The following MARCHF8 variants were observed in gnomAD, a reference collection of about 807,000 sequenced individuals.
The protein encoded by MARCHF8 is E3 ubiquitin-protein ligase MARCHF8.
Under a neutral mutation model 51.6 loss-of-function variants are expected in MARCHF8, and 40 were observed. That is an observed-to-expected ratio of 0.77 (90% confidence interval 0.60 to 1.01). The LOEUF is 1.01. Ranked by LOEUF, MARCHF8 falls within the 50% of genes least tolerant of loss-of-function variation. The probability of loss-of-function intolerance (pLI) is 0.00; values close to 1 mark genes in which losing one functional copy is unlikely to be tolerated. For synonymous variants in MARCHF8, 263 were observed against 280.3 expected, an observed-to-expected ratio of 0.94 and a Z score of 0.62; for missense variants, 685 against 708.6, an observed-to-expected ratio of 0.97 and a Z score of 0.38.
chr10:45,476,770 C>G (rs761283449), intron 3 of MARCHF8, among the ~76,000 whole-genome samples: 2 of 151,390 alleles, frequency 1.3e-5, no homozygotes, highest in Non-Finnish European at 2.9e-5. Context: ...AATTTCAGAA[C>G]TTGAAGACAG....
At chr10:45,592,628 A>AG (rs2044693890) in intron 1 of MARCHF8, among the ~76,000 whole-genome samples, 1 of 152,226 alleles carries the variant, frequency 6.6e-6, no homozygotes, top group Non-Finnish European at 1.5e-5. Context: ...CTACTACATA[A>AG]GGGAAAAAGA....
In MARCHF8 at chr10:45,463,168, C is replaced by T. The variant is rs756962679; in HGVS notation, c.1071G>A (p.Thr357=). 1.1e-4 allele frequency: 176 copies of T among 1,549,892 alleles called. No homozygotes were observed. Among genetic ancestry groups the T allele is most frequent in the South Asian group, 1.8e-4 (15 of 84,002 alleles). The change falls in exon 5 of 8, where the codon ACG becomes ACA. Residue 357 remains threonine (T), a synonymous_variant. Transcript: ENST00000453424. Reference sequence around the variant, plus strand: ...AAACCAACCTGCAGACATCCCCTGACGTGGACACGGGAGATATGGGGGGTA... The same window carrying T: ...AAACCAACCTGCAGACATCCCCTGATGTGGACACGGGAGATATGGGGGGTA... The part of the protein sequence containing the change: ...EKLPPISPVS[T]SGDVCRICHC...
At chr10:45,530,608 C>T (rs2043862461) in intron 2 of MARCHF8, among the ~76,000 whole-genome samples, 2 of 152,080 alleles carry the variant, frequency 1.3e-5, no homozygotes, top group South Asian at 4.2e-4. Flanking sequence ...AGCAAGACCC[C>T]GACTCTACAA....
chr10:45,554,159 A>G (rs1564514512), intron 1 of MARCHF8, among the ~76,000 whole-genome samples: 1 of 152,250 alleles, frequency 6.6e-6, no homozygotes, highest in Non-Finnish European at 1.5e-5. Context: ...AATTTGGGAA[A>G]GTGCTTTTAA....
chr10:45,558,931 G>A (rs530836337), intron 1 of MARCHF8, among the ~76,000 whole-genome samples: 1 of 152,240 alleles, frequency 6.6e-6, no homozygotes, highest in South Asian at 2.1e-4. Flanking sequence ...TCAGAAAAAA[G>A]AATTTATAAT....
At chr10:45,501,023 ATC>A (rs2133141885) in intron 2 of MARCHF8, among the ~76,000 whole-genome samples, 1 of 152,180 alleles carries the variant, frequency 6.6e-6, no homozygotes, top group South Asian at 2.1e-4. Flanking sequence ...ATCAAAAATG[ATC>A]TCAACATATA....
intron 3 of MARCHF8, among the ~76,000 whole-genome samples, chr10:45,479,460 T>A (rs1026842590): frequency 6.6e-6 from 1 of 152,210 alleles, no homozygotes; most frequent in African/African-American, 2.4e-5. Flanking sequence ...CCCGCTGATA[T>A]GATTTGGCTG....
At chr10:45,549,487 C>T (rs1266983807) in intron 1 of MARCHF8, among the ~76,000 whole-genome samples, 18 of 152,204 alleles carry the variant, frequency 1.2e-4, no homozygotes, top group Admixed American at 7.2e-4. Flanking sequence ...GCAGCAGCAT[C>T]CCAAGACAGT....
At chr10:45,477,995 C>T (rs370603181) in intron 3 of MARCHF8, among the ~76,000 whole-genome samples, 11 of 152,170 alleles carry the variant, frequency 7.2e-5, no homozygotes, top group Admixed American at 3.3e-4. Flanking sequence ...CCACTCCCAT[C>T]GTTAGACAGA....
chr10:45,583,452 G>C (rs2044577877), intron 1 of MARCHF8, among the ~76,000 whole-genome samples: 1 of 152,084 alleles, frequency 6.6e-6, no homozygotes, highest in Non-Finnish European at 1.5e-5. Flanking sequence ...ATACAAATCA[G>C]AGCACACTAA....
chr10:45,594,799 C>A (rs2044722210), exon 1 of MARCHF8: 2 of 152,354 alleles, frequency 1.3e-5, no homozygotes, highest in African/African-American at 2.4e-5. Flanking sequence ...GCGGCGCTAC[C>A]GCCCTGGCCC....
chr10:45,594,055 G>A lies in MARCHF8; in HGVS notation c.-79+180C>T, dbSNP rs577669340. ...ATTTGGGCTTCCAAATAGGTTTTAA[G>A]AAAAAAAGGTTTTGTTGCATTAAAG... On this transcript the variant is annotated intron_variant, in intron 1 of 6. Transcript: ENST00000319836. Among the ~76,000 whole-genome samples the A allele has an allele frequency of 3.3e-4, 50 of 151,882 alleles. No individual in the cohort carries two copies. In the South Asian group the frequency reaches 6.0e-3, roughly 18 times the overall value.
In MARCHF8 at chr10:45,566,391, A is replaced by G. The variant is rs115409784; in HGVS notation, c.-79+27844T>C. Among the ~76,000 whole-genome samples, 1,426 of 152,054 alleles carry G rather than the reference A, an allele frequency of 9.4e-3. 27 individuals carry two copies. The highest frequency in any genetic ancestry group is 0.033 in the African/African-American group (1,361 of 41,466). ...ATCCATTCTATTTTTTTTTGTACCC[A>G]TTAACAATCCTACTTTCCCTTCAGC... On this transcript the variant is annotated intron_variant, in intron 1 of 6. Coordinates refer to the MARCHF8 transcript ENST00000319836.
chr10:45,494,093 G>A (rs2043131177), intron 2 of MARCHF8, among the ~76,000 whole-genome samples: 1 of 152,230 alleles, frequency 6.6e-6, no homozygotes, highest in African/African-American at 2.4e-5. Flanking sequence ...CTGAGTCTGA[G>A]GGTGTGAGAA....
chr10:45,565,102 A>AT (rs2044350230), intron 1 of MARCHF8, among the ~76,000 whole-genome samples: 1 of 152,284 alleles, frequency 6.6e-6, no homozygotes, highest in Non-Finnish European at 1.5e-5. Context: ...GTTGAAAGCA[A>AT]TAACAACACT....
intron 3 of MARCHF8, among the ~76,000 whole-genome samples, chr10:45,482,032 C>T (rs565160361): frequency 6.6e-6 from 1 of 151,724 alleles, no homozygotes; most frequent in Non-Finnish European, 1.5e-5. Flanking sequence ...AATGAACTAG[C>T]GGAGAAAGAA....
At chr10:45,468,449 A>C (rs1843043787) in intron 3 of MARCHF8, among the ~76,000 whole-genome samples, 1 of 152,086 alleles carries the variant, frequency 6.6e-6, no homozygotes, top group South Asian at 2.1e-4. Context: ...GCAACCCCCA[A>C]CTGGGCCTCC....
At chr10:45,550,655 A>T (rs1301987482) in intron 1 of MARCHF8, among the ~76,000 whole-genome samples, 1 of 152,030 alleles carries the variant, frequency 6.6e-6, no homozygotes, top group Non-Finnish European at 1.5e-5. Flanking sequence ...AGGCAGGACA[A>T]ATCTTCTCAA....
intron 2 of MARCHF8, among the ~76,000 whole-genome samples, chr10:45,502,716 G>A (rs183540959): frequency 2.0e-5 from 3 of 152,242 alleles, no homozygotes; most frequent in East Asian, 3.9e-4. Flanking sequence ...TTTCAGGAAT[G>A]AAGGGAAATA....
Sources: allele counts gnomAD v4.1 joint callset (sites outside exome capture counted in the v4.1 genomes callset), GRCh38; gene constraint gnomAD v4.1.1; transcripts MANE v1.5; gene names NCBI Gene and HGNC (gene_info 2026-07-23, HGNC 2026-07-21).